Variants in TM9SF3 observed in about 807,000 individuals in gnomAD.
The protein encoded by TM9SF3 is SM-11044-binding protein.
In TM9SF3, 14 loss-of-function variants were observed where a neutral mutation model predicts 78.6. The observed-to-expected ratio is 0.18, with a 90% CI of 0.12 to 0.28. The LOEUF is 0.28. Among genes scored for constraint, TM9SF3 ranks in the 10% least tolerant of loss-of-function variants. The pLI is 1.00. For synonymous variants in TM9SF3, 231 were observed against 241.7 expected (o/e 0.96, Z 0.41); for missense variants, 496 against 721.9 (o/e 0.69, Z 3.59).
intron 6 of TM9SF3, among the ~76,000 whole-genome samples, 174 bp from the exon 7 acceptor site, chr10:96,551,585 A>G (rs776013876): frequency 4.6e-5 from 7 of 152,210 alleles, no homozygotes; most frequent in Non-Finnish European, 5.9e-5. Flanking sequence ...CTTAATAACA[A>G]TGTTAAAATG....
chr10:96,560,374 G>C, intron 4 of TM9SF3: 1 of 738,502 alleles, frequency 1.4e-6, no homozygotes, highest in Non-Finnish European at 2.5e-6. Flanking sequence ...TGAAGCAGAG[G>C]CAATGAATTA....
intron 10 of TM9SF3, among the ~76,000 whole-genome samples, chr10:96,531,611 G>A (rs1308138719): frequency 4.6e-5 from 7 of 152,144 alleles, no homozygotes; most frequent in Non-Finnish European, 1.0e-4. Context: ...TTTACAGGAA[G>A]CCAAGACACA....
chr10:96,536,554 A>G (rs1847962900), intron 9 of TM9SF3, among the ~76,000 whole-genome samples: 1 of 152,144 alleles, frequency 6.6e-6, no homozygotes, highest in Non-Finnish European at 1.5e-5. Context: ...ATACAAAGCC[A>G]ATATCCTAAA....
intron 9 of TM9SF3, among the ~76,000 whole-genome samples, chr10:96,536,723 A>C (rs78643220): frequency 6.6e-6 from 1 of 152,170 alleles, no homozygotes; most frequent in East Asian, 1.9e-4. Context: ...GATGATGAAA[A>C]TGAAAATCTT....
chr10:96,558,636 G>C (rs1342256146), intron 5 of TM9SF3, among the ~76,000 whole-genome samples: 2 of 148,762 alleles, frequency 1.3e-5, no homozygotes, highest in African/African-American at 5.0e-5. Context: ...ACAGAGCAAG[G>C]CTCTGTCTCA....
At chr10:96,582,100 A>G (rs1209276752) in intron 1 of TM9SF3, among the ~76,000 whole-genome samples, 3 of 152,138 alleles carry the variant, frequency 2.0e-5, no homozygotes, top group Non-Finnish European at 4.4e-5. Context: ...TTGCGTATAT[A>G]ACAGACCAAA....
chr10:96,535,960 T>C (rs1847953334), intron 9 of TM9SF3, among the ~76,000 whole-genome samples: 1 of 152,126 alleles, frequency 6.6e-6, no homozygotes. Flanking sequence ...ACAAATAATA[T>C]ATCATGACAA....
intron 1 of TM9SF3, among the ~76,000 whole-genome samples, chr10:96,584,845 T>A (rs1206251435): frequency 1.3e-5 from 2 of 152,200 alleles, no homozygotes; most frequent in African/African-American, 4.8e-5. Context: ...TATTTAATAA[T>A]GGGTAACCAA....
chr10:96,560,867 C>A, intron 4 of TM9SF3: 1 of 537,154 alleles, frequency 1.9e-6, no homozygotes, highest in South Asian at 1.4e-5. Flanking sequence ...CCAAAAGGAC[C>A]TAGTTCTGTA....
At chr10:96,540,061 T>C (rs1178949874) in intron 9 of TM9SF3, among the ~76,000 whole-genome samples, 5 of 152,244 alleles carry the variant, frequency 3.3e-5, no homozygotes, top group African/African-American at 1.2e-4. Flanking sequence ...CTTCTTAGAT[T>C]TGGCACATCA....
In TM9SF3 at chr10:96,547,909, T is replaced by C. The variant is rs749640145; in HGVS notation, c.1040A>G (p.Tyr347Cys). The C allele has an allele frequency of 6.2e-7, 1 of 1,613,388 alleles. No homozygotes were observed. ...TCGTAAGTTACCTCCTTGTCTAGCA[T>C]ACAGACTTCCTCCAAAATAACCATT... ...PVNGYFGGSL[Y>C]ARQGGRRWIK... The change falls in exon 8 of 15, where the codon TAT (tyrosine) becomes TGT (cysteine). Residue 347 changes from tyrosine (Y) to cysteine (C), a missense_variant. Tyr to Cys is a radical substitution (Grantham distance 194). Transcript: ENST00000371142.
intron 6 of TM9SF3, 66 bp from the exon 7 acceptor site, chr10:96,551,477 T>C: frequency 8.2e-7 from 1 of 1,225,870 alleles, no homozygotes; most frequent in African/African-American, 1.6e-5. Flanking sequence ...AAACATAGTA[T>C]GTAAAAATTA....
intron 9 of TM9SF3, among the ~76,000 whole-genome samples, chr10:96,538,588 T>C (rs934162017): frequency 2.6e-5 from 4 of 152,168 alleles, no homozygotes; most frequent in African/African-American, 9.7e-5. Flanking sequence ...CTTTAGATTA[T>C]GAAAAGACAA....
Position 96,527,248 on chromosome 10 carries a change from A to G in TM9SF3, c.1667T>C (p.Met556Thr). ...LFQTSFYFGY[M>T]AVFSTALGIM... ...CCCCAAGGCTGTGCTAAATACCGCC[A>G]TATATCCAAAGTAAAATGATGTTTG... Residue 556 changes from methionine to threonine, a missense_variant, in exon 14 of 15, where the codon ATG becomes ACG. Physicochemically the swap from Met to Thr is moderately conservative, Grantham distance 81. Around this residue, in one of 4 missense-constraint regions of TM9SF3, gnomAD observed 280 missense variants for 422.6 expected, o/e 0.66. Coordinates refer to ENST00000371142, the MANE Select transcript of TM9SF3 (RefSeq NM_020123.4). 6.2e-7 allele frequency: 1 copy of G among 1,611,830 alleles called. No homozygotes were observed. The highest frequency in any genetic ancestry group is 8.5e-7 in the Non-Finnish European group (1 of 1,178,868).
intron 14 of TM9SF3, among the ~76,000 whole-genome samples, chr10:96,523,303 C>T (rs1384948249): frequency 6.6e-6 from 1 of 151,700 alleles, no homozygotes; most frequent in Non-Finnish European, 1.5e-5. Context: ...ATATTAAGTG[C>T]ACACACAAAT....
intron 2 of TM9SF3, 125 bp downstream of exon 2, chr10:96,576,509 C>G: frequency 1.1e-6 from 1 of 914,192 alleles, no homozygotes; most frequent in South Asian, 2.3e-5. Flanking sequence ...TGCTAGACAT[C>G]CTAACATGTA....
intron 1 of TM9SF3, among the ~76,000 whole-genome samples, chr10:96,578,726 CA>C (rs1848525626): frequency 6.6e-6 from 1 of 152,188 alleles, no homozygotes; most frequent in Non-Finnish European, 1.5e-5. Flanking sequence ...TCAGAGTTCT[CA>C]AAACAGTGCT....
Position 96,586,984 on chromosome 10 carries a change from C to T in TM9SF3, c.-149G>A, listed in dbSNP as rs1016792042. ...CCGGCCCAGCCGCTGCCTCCTCTGC[C>T]GCCGCCGTCGCCGTCACCGCCCGCT... On this transcript the variant is annotated 5_prime_UTR_variant, in exon 1 of 15. Transcript: ENST00000371142. The T allele has an allele frequency of 6.1e-6, 3 of 491,798 alleles. No homozygotes were observed. Among genetic ancestry groups the T allele is most frequent in the African/African-American group, 2.1e-5 (1 of 48,236 alleles). The allele number at this position is 491,798 out of a possible 1,614,324, so 30.5% of individuals were successfully genotyped here.
At chr10:96,563,273 G>A (rs898191901) in intron 3 of TM9SF3, among the ~76,000 whole-genome samples, 1 of 152,022 alleles carries the variant, frequency 6.6e-6, no homozygotes, top group Non-Finnish European at 1.5e-5. Context: ...GATGAATCTC[G>A]TTATGTTGCC....
Sources: allele counts gnomAD v4.1 joint callset (sites outside exome capture counted in the v4.1 genomes callset), GRCh38; gene constraint gnomAD v4.1.1; regional missense constraint gnomAD v4.1.1; transcripts MANE v1.5; gene names NCBI Gene and HGNC (gene_info 2026-07-23, HGNC 2026-07-21).